Variants in NCOA3 observed in about 807,000 individuals in gnomAD.
NCOA3 encodes the protein nuclear receptor coactivator 3.
In NCOA3, 51 loss-of-function variants were observed where a neutral mutation model predicts 158.8. The observed-to-expected ratio is 0.32, with a 90% confidence interval of 0.26 to 0.41. NCOA3 has a LOEUF of 0.41. Among genes scored for constraint, NCOA3 ranks in the 10% least tolerant of loss-of-function variants. NCOA3 has a pLI of 1.00. For missense variants in NCOA3, 1,510 were observed against 1,746.6 expected, an observed-to-expected ratio of 0.86 and a Z score of 2.41; for synonymous variants, 537 against 592.4, an observed-to-expected ratio of 0.91 and a Z score of 1.36.
intron 1 of NCOA3, among the ~76,000 whole-genome samples, chr20:47,569,418 G>T (rs561153578): frequency 6.6e-6 from 1 of 152,162 alleles, no homozygotes; most frequent in South Asian, 2.1e-4. Context: ...GGTGGCTCAT[G>T]CCTGTAATCC....
chr20:47,646,298 C>T (rs575405803), intron 17 of NCOA3, among the ~76,000 whole-genome samples: 4 of 152,174 alleles, frequency 2.6e-5, no homozygotes, highest in East Asian at 1.9e-4. Context: ...GTACAGCTAC[C>T]GTTTCCTTCC....
At chr20:47,524,343 G>A (rs905683592) in intron 1 of NCOA3, among the ~76,000 whole-genome samples, 1 of 152,188 alleles carries the variant, frequency 6.6e-6, no homozygotes, top group African/African-American at 2.4e-5. Context: ...AAGAGACCGA[G>A]GATAGAAAGA....
intron 2 of NCOA3, among the ~76,000 whole-genome samples, chr20:47,600,375 C>T (rs368762926): frequency 1.2e-4 from 18 of 151,958 alleles, no homozygotes; most frequent in African/African-American, 4.1e-4. Flanking sequence ...AGGATTTCAT[C>T]ATGTTGGCCA....
At chr20:47,567,016 G>GTACA (rs199665726) in intron 1 of NCOA3, among the ~76,000 whole-genome samples, 5,593 of 66,958 alleles carry the variant, frequency 0.084, 305 homozygotes, top group East Asian at 0.25. Context: ...ATAGTACTAT[G>GTACA]TATGTATGTA....
rs6012225 is a variant in NCOA3, at chr20:47,621,119, C to T, written c.-19-1110C>T. On this transcript the variant is annotated intron_variant, in intron 2 of 22. Coordinates refer to ENST00000371998, the MANE Select transcript of NCOA3 (RefSeq NM_181659.3). ...TCAGCTTTTTAGCCTTTCCATTTTA[C>T]AACCAAAGTTATAGAATGAATTTTC... 7.0e-3 allele frequency among the ~76,000 whole-genome samples: 1,062 copies of T among 152,272 alleles called. 17 individuals carry two copies. Among genetic ancestry groups the T allele is most frequent in the African/African-American group, 0.024 (1,006 of 41,554 alleles).
intron 1 of NCOA3, among the ~76,000 whole-genome samples, chr20:47,570,947 C>T (rs868698298): frequency 0.034 from 4,392 of 128,540 alleles, 123 homozygotes; most frequent in Middle Eastern, 0.093. Flanking sequence ...TATACACACA[C>T]ACACACACAC....
In NCOA3 at chr20:47,651,107, G is replaced by GCAGCAC. The variant is rs1555818254; in HGVS notation, c.3782_3783insCCAGCA (p.Gln1260_Gln1261insHisGln). 9 of 1,608,328 alleles carry GCAGCAC rather than the reference G, an allele frequency of 5.6e-6. No individual in the cohort carries two copies. The highest frequency in any genetic ancestry group is 6.8e-6 in the Non-Finnish European group (8 of 1,177,342). ...AGCAGCAGCAACAGCAGCAGCAGCAGCAGCAGCAGCAGCAACAGCAACAGC... is the reference window on the plus strand; with the variant it reads ...AGCAGCAGCAACAGCAGCAGCAGCAGCAGCACCAGCAGCAGCAGCAACAGCAACAGC... On this transcript the variant is annotated inframe_insertion, in exon 20 of 23. Coordinates refer to ENST00000371998, the MANE Select transcript of NCOA3 (RefSeq NM_181659.3).
chr20:47,568,349 C>G (rs563201688), intron 1 of NCOA3, among the ~76,000 whole-genome samples: 1 of 152,184 alleles, frequency 6.6e-6, no homozygotes, highest in East Asian at 1.9e-4. Context: ...AAAAAAAATA[C>G]AGGCATACCT....
chr20:47,634,347 T>C lies in NCOA3; in HGVS notation c.1112+152T>C, dbSNP rs1357747621. 5.0e-5 allele frequency: 37 copies of C among 746,604 alleles called. No homozygotes were observed. The East Asian group carries it at 9.7e-4, about 20-fold the overall frequency. 46.2% of individuals were successfully genotyped at this position (746,604 alleles called of 1,614,324 possible). A position where few individuals can be genotyped will look rare whatever the true frequency, so the allele number is the denominator to read the frequency against. ...ATGAGTTTAGATTCCTGGATTATGA[T>C]ATGTTTAAGGTTGTATTTTTATGTG... is the stretch of plus-strand genomic sequence containing the variant. On this transcript the variant is annotated intron_variant, in intron 10 of 22. Coordinates refer to ENST00000371998, the MANE Select transcript of NCOA3 (RefSeq NM_181659.3).
chr20:47,557,719 G>GAT (rs1369042099), intron 1 of NCOA3, among the ~76,000 whole-genome samples: 1 of 152,128 alleles, frequency 6.6e-6, no homozygotes, highest in African/African-American at 2.4e-5. Context: ...ATATATATGA[G>GAT]ATATAATTTC....
At chr20:47,511,563 T>A (rs1182479231) in intron 1 of NCOA3, among the ~76,000 whole-genome samples, 1 of 12,444 alleles carries the variant, frequency 8.0e-5, no homozygotes, top group African/African-American at 1.3e-4. Context: ...ATATTTCTTT[T>A]TTTTTTTGAG....
rs6012230 is a variant in NCOA3, at chr20:47,633,181, G to A, written c.824-315G>A. On this transcript the variant is annotated intron_variant, in intron 8 of 22. Coordinates refer to ENST00000371998, the MANE Select transcript of NCOA3 (RefSeq NM_181659.3). ...AGCATAAATTGAGGTGTGTTCCAAA[G>A]GGGCTCTTTATGAATAACTTGAAAA... 7.0e-3 allele frequency among the ~76,000 whole-genome samples: 1,060 copies of A among 152,244 alleles called. 20 individuals carry two copies. Among genetic ancestry groups the A allele is most frequent in the African/African-American group, 0.024 (1,017 of 41,524 alleles).
At chr20:47,560,968 C>CT (rs11481985) in intron 1 of NCOA3, among the ~76,000 whole-genome samples, 44,701 of 101,236 alleles carry the variant, frequency 0.44, 10,552 homozygotes, top group Middle Eastern at 0.51. Context: ...ATCCCTCATT[C>CT]TTTTTTTTTT....
intron 8 of NCOA3, among the ~76,000 whole-genome samples, chr20:47,629,887 T>C (rs2086385540): frequency 6.6e-6 from 1 of 152,220 alleles, no homozygotes; most frequent in African/African-American, 2.4e-5. Flanking sequence ...AAGTGATACA[T>C]GTTTATTATA....
At chr20:47,559,244 G>A (rs2085061817) in intron 1 of NCOA3, among the ~76,000 whole-genome samples, 1 of 152,088 alleles carries the variant, frequency 6.6e-6, no homozygotes, top group African/African-American at 2.4e-5. Flanking sequence ...ACTTTAAAAG[G>A]CAGTCCCTTA....
chr20:47,533,372 G>T (rs1219102971), intron 1 of NCOA3, among the ~76,000 whole-genome samples: 3 of 150,032 alleles, frequency 2.0e-5, no homozygotes. Flanking sequence ...TGGTTGTAAA[G>T]GTGATTAATT....
chr20:47,641,324 C>CTTTTTTT (rs34173277), intron 16 of NCOA3, among the ~76,000 whole-genome samples: 1 of 96,600 alleles, frequency 1.0e-5, no homozygotes, highest in African/African-American at 4.2e-5. Context: ...CTCAACATTT[C>CTTTTTTT]TTTTTTTTTT....
chr20:47,531,581 T>C (rs1211481758), intron 1 of NCOA3, among the ~76,000 whole-genome samples: 1 of 152,216 alleles, frequency 6.6e-6, no homozygotes, highest in African/African-American at 2.4e-5. Flanking sequence ...AAGAATAATG[T>C]TGTGACATAA....
In NCOA3 at chr20:47,634,210, CT is replaced by C. The variant is rs755109015; in HGVS notation, c.1112+16del. 39 of 1,604,490 alleles carry C rather than the reference CT, an allele frequency of 2.4e-5. No individual in the cohort carries two copies. Among genetic ancestry groups the C allele is most frequent in the Non-Finnish European group, 3.2e-5 (37 of 1,174,000 alleles). On this transcript the variant is annotated intron_variant, in intron 10 of 22. Coordinates refer to ENST00000371998, the MANE Select transcript of NCOA3 (RefSeq NM_181659.3). ...TTCCTTCAGAGGTAATGATAGATTA[CT>C]GTGTATTCTAATACAAAATGCAGCA... is the stretch of plus-strand genomic sequence containing the variant.
Sources: gnomAD v4.1 joint callset for allele counts (sites outside exome capture counted in the v4.1 genomes callset) on GRCh38, gnomAD v4.1.1 for gene constraint, MANE v1.5 for transcripts, NCBI Gene and HGNC (gene_info 2026-07-23, HGNC 2026-07-21) for gene names.